Variants in CLVS1 observed in about 807,000 individuals in gnomAD.
CLVS1 encodes clavesin 1.
A neutral mutation model predicts 33.1 loss-of-function variants in CLVS1; 10 were observed. The observed-to-expected ratio is 0.30, with a 90% CI of 0.19 to 0.51. The LOEUF (loss-of-function observed/expected upper bound fraction) is 0.51, where lower values mean the gene tolerates loss of function less well. CLVS1 is among the 20% of genes least tolerant of loss of function. The pLI, the probability that CLVS1 is intolerant of heterozygous loss-of-function variation, is 0.97. For missense variants in CLVS1, 343 were observed against 433.4 expected, an observed-to-expected ratio of 0.79 and a Z score of 1.85; for synonymous variants, 163 against 166.1, an observed-to-expected ratio of 0.98 and a Z score of 0.14.
the CLVS1 span, among the ~76,000 whole-genome samples, chr8:60,979,628 C>T: frequency 6.6e-6 from 1 of 152,152 alleles, no homozygotes; most frequent in Non-Finnish European, 1.5e-5. Flanking sequence ...CAAATCTGCA[C>T]ACAGAAAAAT....
intron 2 of CLVS1, among the ~76,000 whole-genome samples, chr8:61,146,077 G>A (rs1246050201): frequency 6.6e-6 from 1 of 152,162 alleles, no homozygotes; most frequent in Non-Finnish European, 1.5e-5. Flanking sequence ...AGTGGCAGCA[G>A]TGCCCTCTTT....
At chr8:60,999,458 T>A in the CLVS1 span, among the ~76,000 whole-genome samples, 43 of 152,264 alleles carry the variant, frequency 2.8e-4, 1 homozygote, top group African/African-American at 8.9e-4. Flanking sequence ...CTTTATGAAC[T>A]GGGAAGCTTT....
chr8:61,490,485 G>A (rs903362926), intron 5 of CLVS1, among the ~76,000 whole-genome samples: 3 of 151,358 alleles, frequency 2.0e-5, no homozygotes, highest in Admixed American at 6.6e-5. Context: ...TGGCCAACAC[G>A]GTGAAACCCC....
chr8:61,065,106 C>T (rs1249309698), intron 1 of CLVS1, among the ~76,000 whole-genome samples: 1 of 152,174 alleles, frequency 6.6e-6, no homozygotes, highest in Non-Finnish European at 1.5e-5. Flanking sequence ...GCAATTGGTT[C>T]CAGGACACCC....
intron 3 of CLVS1, among the ~76,000 whole-genome samples, chr8:61,407,112 A>G (rs1815025264): frequency 6.6e-6 from 1 of 152,228 alleles, no homozygotes; most frequent in South Asian, 2.1e-4. Flanking sequence ...CATCGCACAT[A>G]ATAATCCCAC....
At chr8:61,307,586 A>T (rs1279603748) in intron 2 of CLVS1, among the ~76,000 whole-genome samples, 1 of 152,200 alleles carries the variant, frequency 6.6e-6, no homozygotes, top group Non-Finnish European at 1.5e-5. Context: ...AAAATATTTT[A>T]AAAACCCACA....
At chr8:61,207,743 G>A (rs1807885375) in intron 2 of CLVS1, among the ~76,000 whole-genome samples, 1 of 152,162 alleles carries the variant, frequency 6.6e-6, no homozygotes, top group Admixed American at 6.5e-5. Flanking sequence ...AATGTAGTTG[G>A]TTGGTAATTT....
the CLVS1 span, among the ~76,000 whole-genome samples, chr8:61,049,056 G>A: frequency 6.6e-6 from 1 of 152,180 alleles, no homozygotes; most frequent in Admixed American, 6.5e-5. Context: ...TTTATTCAGG[G>A]ACACCTCTTA....
chr8:61,032,191 C>T, the CLVS1 span, among the ~76,000 whole-genome samples: 1 of 152,156 alleles, frequency 6.6e-6, no homozygotes, highest in Non-Finnish European at 1.5e-5. Context: ...CTGCTTCTAT[C>T]CTGAGAGGAG....
At chr8:60,994,938 G>T in the CLVS1 span, among the ~76,000 whole-genome samples, 244 of 152,024 alleles carry the variant, frequency 1.6e-3, 2 homozygotes, top group African/African-American at 5.4e-3. Context: ...AATAAATGGT[G>T]CTGGGAAAAC....
intron 1 of CLVS1, among the ~76,000 whole-genome samples, chr8:61,115,348 TA>T (rs1454967450): frequency 1.4e-5 from 2 of 145,046 alleles, no homozygotes; most frequent in Non-Finnish European, 3.0e-5. Flanking sequence ...TTTTTTATTT[TA>T]TTTTTATTTT....
At chr8:61,130,620 TGTTTG>T (rs1310077852) in intron 1 of CLVS1, among the ~76,000 whole-genome samples, 3 of 152,234 alleles carry the variant, frequency 2.0e-5, no homozygotes, top group Non-Finnish European at 2.9e-5. Flanking sequence ...TGTTTTGTTT[TGTTTG>T]TACATATAAT....
At chr8:61,399,448 C>A (rs1265555614) in intron 3 of CLVS1, among the ~76,000 whole-genome samples, 1 of 152,044 alleles carries the variant, frequency 6.6e-6, no homozygotes, top group African/African-American at 2.4e-5. Context: ...GGACCTTTGT[C>A]AGATGGATAG....
chr8:61,154,637 A>G (rs1348607491), intron 2 of CLVS1, among the ~76,000 whole-genome samples: 1 of 152,228 alleles, frequency 6.6e-6, no homozygotes, highest in Non-Finnish European at 1.5e-5. Context: ...AGGATTAATT[A>G]GCTCTGTAGC....
chr8:61,069,442 T>G (rs1032888711), intron 1 of CLVS1, among the ~76,000 whole-genome samples: 2 of 152,176 alleles, frequency 1.3e-5, no homozygotes, highest in Non-Finnish European at 2.9e-5. Flanking sequence ...TGTTTTCCCT[T>G]CCTTCCTTTT....
At chr8:61,136,720 A>G (rs1157973703) in intron 2 of CLVS1, among the ~76,000 whole-genome samples, 1 of 152,192 alleles carries the variant, frequency 6.6e-6, no homozygotes, top group East Asian at 1.9e-4. Context: ...AGGATCAGGA[A>G]AAGTAACTAA....
intron 2 of CLVS1, among the ~76,000 whole-genome samples, chr8:61,134,786 T>C (rs10112795): frequency 0.68 from 102,698 of 152,086 alleles, 37,100 homozygotes; most frequent in East Asian, 0.97. Flanking sequence ...CATCTCAGGC[T>C]AGTTGATGCA....
intron 2 of CLVS1, among the ~76,000 whole-genome samples, chr8:61,340,666 A>G (rs1171674689): frequency 1.3e-5 from 2 of 152,218 alleles, no homozygotes; most frequent in African/African-American, 4.8e-5. Context: ...TACCATTTCA[A>G]CATACTGACT....
intron 3 of CLVS1, among the ~76,000 whole-genome samples, chr8:61,388,932 CCCT>C (rs1055375658): frequency 6.6e-6 from 1 of 152,106 alleles, no homozygotes; most frequent in Non-Finnish European, 1.5e-5. Flanking sequence ...CTTCCCCCAA[CCCT>C]CCCTAGCCTC....
Sources: allele counts gnomAD v4.1 joint callset (sites outside exome capture counted in the v4.1 genomes callset), GRCh38; gene constraint gnomAD v4.1.1; transcripts MANE v1.5; gene names NCBI Gene and HGNC (gene_info 2026-07-23, HGNC 2026-07-21).